The following FRMPD3 variants were observed in gnomAD, a reference collection of about 807,000 sequenced individuals.
FRMPD3 encodes FERM and PDZ domain containing 3, also known as FERM and PDZ domain-containing protein 3.
In FRMPD3, 42 loss-of-function variants were observed where a neutral mutation model predicts 97.9. The observed-to-expected ratio is 0.43, with a 90% confidence interval of 0.34 to 0.55. The LOEUF is 0.55. FRMPD3 is among the 20% of genes least tolerant of loss of function. The pLI is 0.03. For synonymous variants in FRMPD3, 577 were observed against 581.1 expected (o/e 0.99, Z 0.10); for missense variants, 1,303 against 1,457.7 (o/e 0.89, Z 1.73).
At chrX:107,539,443 G>A (rs915583155) in intron 4 of FRMPD3, among the ~76,000 whole-genome samples, 7 of 111,670 alleles carry the variant, frequency 6.3e-5, no homozygotes, top group Non-Finnish European at 1.1e-4. Context: ...ATTTTTAAAC[G>A]GATAAAGTAC....
intron 1 of FRMPD3, among the ~76,000 whole-genome samples, chrX:107,471,400 G>A (rs1219940039): frequency 3.8e-5 from 4 of 104,797 alleles, no homozygotes; most frequent in African/African-American, 1.1e-4. Context: ...CATAGGTATA[G>A]GTGTGCCATG....
intron 1 of FRMPD3, among the ~76,000 whole-genome samples, chrX:107,500,672 G>T (rs1187717824): frequency 9.0e-6 from 1 of 110,587 alleles, no homozygotes; most frequent in Non-Finnish European, 1.9e-5. Context: ...GCGGGCACCT[G>T]TAATCTCAGC....
chrX:107,501,325 G>A (rs1921897954), intron 1 of FRMPD3, among the ~76,000 whole-genome samples: 1 of 99,989 alleles, frequency 1.0e-5, no homozygotes, highest in Admixed American at 1.1e-4. Flanking sequence ...AAAGCTCTTG[G>A]CCACTAAAGC....
Position 107,526,611 on chromosome X carries a change from A to G in FRMPD3, c.23A>G (p.Asp8Gly). 1 of 1,203,239 alleles carries G rather than the reference A, an allele frequency of 8.3e-7. No homozygotes were observed. Among genetic ancestry groups the G allele is most frequent in the Non-Finnish European group, 1.1e-6 (1 of 892,787 alleles). MQEESANDMECEQLPAEI... is the reference protein window; with the variant it reads MQEESANGMECEQLPAEI... ...GTGATGCAGGAAGAGAGCGCAAATG[A>G]TATGGAATGTGAGCAGCTGCCAGCA... The change falls in exon 2 of 15, where the codon GAT becomes GGT. Residue 8 changes from aspartate (D) to glycine (G), a missense_variant. By Grantham distance (94) the Asp-to-Gly change is moderately conservative (BLOSUM62 -1). Transcript: ENST00000683843.
intron 13 of FRMPD3, among the ~76,000 whole-genome samples, chrX:107,580,681 G>A (rs941108832): frequency 3.6e-5 from 4 of 111,554 alleles, no homozygotes; most frequent in African/African-American, 1.3e-4. Context: ...GGTGTAGAGA[G>A]ACATAATGAA....
In FRMPD3 at chrX:107,604,029, G is replaced by A. The variant is rs763542789; in HGVS notation, c.*656G>A. On this transcript the variant is annotated 3_prime_UTR_variant, in exon 15 of 15. Transcript: ENST00000683843. The stretch of plus-strand genomic sequence containing the variant: ...GCTCCACACCAGCCATCCCCAAAGT[G>A]CCCTGCCCCTCACTGATGGGCAGGG... 9.1e-6 allele frequency: 1 copy of A among 110,166 alleles called. No individual in the cohort carries two copies. Among genetic ancestry groups the A allele is most frequent in the East Asian group, 2.9e-4 (1 of 3,431 alleles). The allele number at this position is 110,166 out of a possible 1,213,427, so 9.1% of individuals were successfully genotyped here.
chrX:107,577,227 T>A (rs1202795459), intron 13 of FRMPD3, among the ~76,000 whole-genome samples: 1 of 95,402 alleles, frequency 1.0e-5, no homozygotes, highest in Non-Finnish European at 2.0e-5. Flanking sequence ...CTCACACCAG[T>A]AATTCCAGCA....
At chrX:107,593,211 C>CA (rs770036136) in intron 13 of FRMPD3, among the ~76,000 whole-genome samples, 2 of 111,428 alleles carry the variant, frequency 1.8e-5, no homozygotes, top group Middle Eastern at 4.7e-3. Context: ...ATTGTCTATT[C>CA]ATGTCCTTAG....
intron 13 of FRMPD3, among the ~76,000 whole-genome samples, chrX:107,585,575 G>C (rs780697152): frequency 4.3e-4 from 48 of 111,656 alleles, no homozygotes; most frequent in Non-Finnish European, 7.7e-4. Flanking sequence ...TTGGCCGTGG[G>C]TTTGTCATAA....
At chrX:107,485,656 G>T (rs375359302) in intron 1 of FRMPD3, among the ~76,000 whole-genome samples, 5 of 111,771 alleles carry the variant, frequency 4.5e-5, no homozygotes, top group African/African-American at 1.6e-4. Context: ...TTTAGCTCCT[G>T]CCCCTGAGTA....
chrX:107,556,200 A>G (rs757776688), intron 8 of FRMPD3, among the ~76,000 whole-genome samples: 1 of 111,460 alleles, frequency 9.0e-6, no homozygotes, highest in Non-Finnish European at 1.9e-5. Context: ...TGTTCTGACA[A>G]CCTAAAATGT....
chrX:107,537,857 C>T (rs951348535), intron 4 of FRMPD3, among the ~76,000 whole-genome samples: 1 of 111,860 alleles, frequency 8.9e-6, no homozygotes, highest in Non-Finnish European at 1.9e-5. Context: ...TCAATAATCA[C>T]GGCACTTTCC....
chrX:107,550,331 T>A (rs1474441280), intron 6 of FRMPD3, among the ~76,000 whole-genome samples, 175 bp downstream of exon 6: 1 of 111,092 alleles, frequency 9.0e-6, no homozygotes, highest in Admixed American at 9.6e-5. Context: ...CAGATGAGAG[T>A]GGTGGTAGAA....
chrX:107,491,344 G>A lies in FRMPD3; in HGVS notation c.-7-35238G>A, dbSNP rs771836577. Among the ~76,000 whole-genome samples the A allele has an allele frequency of 3.6e-5, 4 of 112,407 alleles. No individual in the cohort carries two copies. The South Asian group carries it at 1.5e-3, about 42-fold the overall frequency. ...AGTAATTACTGAGTTCTTATTATATGTCAGGTATGGTCCTAAACCTCTTCC... is the reference window on the plus strand; with the variant it reads ...AGTAATTACTGAGTTCTTATTATATATCAGGTATGGTCCTAAACCTCTTCC... On this transcript the variant is annotated intron_variant, in intron 1 of 14. Coordinates refer to ENST00000683843, the MANE Select transcript of FRMPD3 (RefSeq NM_001388459.1).
chrX:107,499,718 TA>T (rs1208877929), intron 1 of FRMPD3, among the ~76,000 whole-genome samples: 1 of 112,520 alleles, frequency 8.9e-6, no homozygotes, highest in Admixed American at 9.4e-5. Context: ...TTAACCCTCA[TA>T]ATAACCATAA....
intron 11 of FRMPD3, among the ~76,000 whole-genome samples, chrX:107,563,741 T>C (rs918135454): frequency 5.3e-5 from 6 of 112,355 alleles, no homozygotes; most frequent in Admixed American, 4.7e-4. Context: ...ATTTGGCCCA[T>C]GGGCCATGGT....
Position 107,461,355 on chromosome X carries a change from C to T in FRMPD3, c.-8+11350C>T, listed in dbSNP as rs1249249697. ...AGGCTGTATCTCTCTATCAATGACACCATCACTCTTTTGATAGCCCAAGGC... is the reference window on the plus strand; with the variant it reads ...AGGCTGTATCTCTCTATCAATGACATCATCACTCTTTTGATAGCCCAAGGC... On this transcript the variant is annotated intron_variant, in intron 1 of 14. Transcript: ENST00000683843. Among the ~76,000 whole-genome samples the T allele has an allele frequency of 2.7e-5, 3 of 111,213 alleles. No individual in the cohort carries two copies. The East Asian group carries it at 8.4e-4, about 31-fold the overall frequency.
In FRMPD3 at chrX:107,535,603, G is replaced by T. The variant is rs147458065; in HGVS notation, c.297+2053G>T. ...CACGAGAATCATTTGAACCTGGGAGGCAGAGGTTGCAGTGAGCTGAGATTG... is the reference window on the plus strand; with the variant it reads ...CACGAGAATCATTTGAACCTGGGAGTCAGAGGTTGCAGTGAGCTGAGATTG... On this transcript the variant is annotated intron_variant, in intron 4 of 14. Transcript: ENST00000683843. Among the ~76,000 whole-genome samples, 348 of 106,850 alleles carry T rather than the reference G, an allele frequency of 3.3e-3. 8 individuals are homozygous for T. The East Asian group carries it at 0.062, about 19-fold the overall frequency. The allele number at this position is 106,850 out of a possible 115,157, so 92.8% of individuals were successfully genotyped here.
At chrX:107,572,910 A>ACT (rs779010869) in intron 12 of FRMPD3, among the ~76,000 whole-genome samples, 5,876 of 100,816 alleles carry the variant, frequency 0.058, 270 homozygotes, top group African/African-American at 0.13. Context: ...TACTACTACT[A>ACT]ATAATAATAA....
Sources: gnomAD v4.1 joint callset for allele counts (sites outside exome capture counted in the v4.1 genomes callset) on GRCh38, gnomAD v4.1.1 for gene constraint, MANE v1.5 for transcripts, NCBI Gene and HGNC (gene_info 2026-07-23, HGNC 2026-07-21) for gene names.